Variants in PDE3B observed in about 807,000 individuals in gnomAD.
PDE3B encodes the protein phosphodiesterase 3B.
In PDE3B, 66 loss-of-function variants were observed where a neutral mutation model predicts 116.8. The observed-to-expected ratio is 0.56, with a 90% CI of 0.46 to 0.69. The LOEUF is 0.69. PDE3B is among the 30% of genes least tolerant of loss of function. The probability of loss-of-function intolerance (pLI) is 0.00; values close to 1 mark genes in which losing one functional copy is unlikely to be tolerated. For missense variants in PDE3B, 1,384 were observed against 1,368.1 expected (o/e 1.01, Z -0.18); for synonymous variants, 595 against 533.6 (o/e 1.12, Z -1.59).
chr11:14,866,261 T>C (rs1196127133), intron 14 of PDE3B, among the ~76,000 whole-genome samples: 1 of 152,236 alleles, frequency 6.6e-6, no homozygotes, highest in African/African-American at 2.4e-5. Context: ...CATTATTCAA[T>C]ATCAAAGCAG....
chr11:14,839,166 A>G (rs1385334675), intron 11 of PDE3B, among the ~76,000 whole-genome samples: 1 of 152,224 alleles, frequency 6.6e-6, no homozygotes, highest in African/African-American at 2.4e-5. Flanking sequence ...TCATAATGGT[A>G]GTTAGCAGAA....
chr11:14,832,170 A>T (rs1055867657), intron 9 of PDE3B, among the ~76,000 whole-genome samples: 1 of 152,146 alleles, frequency 6.6e-6, no homozygotes, highest in Non-Finnish European at 1.5e-5. Flanking sequence ...TGCTAGAACC[A>T]TGGGAAAGTA....
At chr11:14,686,964 C>T (rs907613832) in intron 1 of PDE3B, among the ~76,000 whole-genome samples, 5 of 152,166 alleles carry the variant, frequency 3.3e-5, no homozygotes, top group African/African-American at 7.2e-5. Context: ...CCACCTGCCT[C>T]GGCCTTCCAA....
intron 14 of PDE3B, among the ~76,000 whole-genome samples, chr11:14,864,111 T>G (rs999550597): frequency 6.6e-6 from 1 of 152,064 alleles, no homozygotes; most frequent in African/African-American, 2.4e-5. Context: ...GGAGAAAGAT[T>G]TACCCAGCAA....
Position 14,789,166 on chromosome 11 carries a change from T to G in PDE3B, c.1339T>G (p.Leu447Val). ...GAGGAGAAGCTCAGGAACTTCAGGA[T>G]TGCTACCTGTTGAACAGTCTTCAAG... Reference protein sequence around the residue: ...QLRRSSGTSGLLPVEQSSRWD... With the variant: ...QLRRSSGTSGVLPVEQSSRWD... Residue 447 changes from leucine (L) to valine (V), a missense_variant, in exon 4 of 16, where the codon TTG (leucine) becomes GTG (valine). Around this residue, in one of 2 missense-constraint regions of PDE3B, gnomAD observed 956 missense variants for 806.8 expected, o/e 1.18. Coordinates refer to ENST00000282096, the MANE Select transcript of PDE3B (RefSeq NM_000922.4). 6.2e-7 allele frequency: 1 copy of G among 1,610,880 alleles called. No individual in the cohort carries two copies. The highest frequency in any genetic ancestry group is 8.5e-7 in the Non-Finnish European group (1 of 1,177,548).
intron 12 of PDE3B, 26 bp from the exon 13 acceptor site, chr11:14,859,017 C>G: frequency 1.4e-4 from 203 of 1,472,364 alleles, no homozygotes; most frequent in Non-Finnish European, 1.8e-4. Flanking sequence ...GAGGTGTCTG[C>G]CTCATTTTTC....
intron 1 of PDE3B, chr11:14,674,162 G>C: frequency 1.5e-6 from 2 of 1,332,242 alleles, no homozygotes; most frequent in Non-Finnish European, 2.2e-6. Flanking sequence ...TTCCGAGGAG[G>C]CCAAGGAGTC....
chr11:14,783,580 A>G (rs1382999890), intron 2 of PDE3B, among the ~76,000 whole-genome samples: 3 of 151,446 alleles, frequency 2.0e-5, no homozygotes, highest in Non-Finnish European at 4.4e-5. Context: ...GGACACAGGA[A>G]GGGGAACATC....
At chr11:14,832,946 A>AT in intron 10 of PDE3B, 113 bp downstream of exon 10, 7 of 537,562 alleles carry the variant, frequency 1.3e-5, no homozygotes, top group South Asian at 7.5e-5. Context: ...CTTGTTTGAA[A>AT]TTTTCTTTTT....
downstream of PDE3B, chr11:14,872,176 T>C (rs1484598575): frequency 6.6e-6 from 1 of 152,158 alleles, no homozygotes; most frequent in East Asian, 1.9e-4. Flanking sequence ...ATTCTCTGTA[T>C]CTAGATTGCA....
intron 2 of PDE3B, among the ~76,000 whole-genome samples, chr11:14,783,957 A>G (rs940364275): frequency 6.6e-6 from 1 of 152,154 alleles, no homozygotes; most frequent in Non-Finnish European, 1.5e-5. Flanking sequence ...GAGCATTACC[A>G]CCTGAGCTCT....
chr11:14,881,534 C>T, the PDE3B span, among the ~76,000 whole-genome samples: 3 of 152,064 alleles, frequency 2.0e-5, 1 homozygote, highest in Non-Finnish European at 4.4e-5. Flanking sequence ...ATAAATTTCA[C>T]ATTGATAAGT....
intron 11 of PDE3B, among the ~76,000 whole-genome samples, chr11:14,843,189 T>A (rs1359627481): frequency 6.6e-6 from 1 of 152,212 alleles, no homozygotes; most frequent in Non-Finnish European, 1.5e-5. Flanking sequence ...GTGAACATAT[T>A]GTTTCTAAGA....
the PDE3B span, among the ~76,000 whole-genome samples, chr11:14,883,290 A>G: frequency 6.6e-6 from 1 of 152,042 alleles, no homozygotes; most frequent in Non-Finnish European, 1.5e-5. Flanking sequence ...ACTATACTAC[A>G]AGGCTACACT....
intron 12 of PDE3B, among the ~76,000 whole-genome samples, chr11:14,844,954 T>C (rs1020156711): frequency 2.4e-4 from 36 of 152,300 alleles, no homozygotes; most frequent in African/African-American, 8.7e-4. Flanking sequence ...CAGACTTAAA[T>C]GTCCCCGTCT....
downstream of PDE3B, among the ~76,000 whole-genome samples, chr11:14,875,884 A>G (rs1018215209): frequency 1.3e-5 from 2 of 152,212 alleles, no homozygotes; most frequent in Non-Finnish European, 2.9e-5. Flanking sequence ...TACATCTTTT[A>G]TAATTTGTCA....
intron 4 of PDE3B, among the ~76,000 whole-genome samples, chr11:14,790,843 TAGGTGGGTTACGATGGGA>T (rs1858360402): frequency 6.6e-6 from 1 of 152,102 alleles, no homozygotes; most frequent in African/African-American, 2.4e-5. Flanking sequence ...ACTTTGCACA[TAGGTGGGTTACGATGGGA>T]ATATATGAAA....
chr11:14,891,802 C>G, the PDE3B span: 1 of 1,410,784 alleles, frequency 7.1e-7, no homozygotes. Flanking sequence ...CAAGGGGGCA[C>G]GGCGTCGAGG....
chr11:14,805,594 C>A (rs1422388710), intron 5 of PDE3B, among the ~76,000 whole-genome samples: 1 of 152,082 alleles, frequency 6.6e-6, no homozygotes, highest in Non-Finnish European at 1.5e-5. Context: ...TGGAAAAAAT[C>A]TTTTAGTAAA....
Sources: gnomAD v4.1 joint callset for allele counts (sites outside exome capture counted in the v4.1 genomes callset) on GRCh38, gnomAD v4.1.1 for gene constraint, gnomAD v4.1.1 regional missense constraint, MANE v1.5 for transcripts, NCBI Gene and HGNC (gene_info 2026-07-23, HGNC 2026-07-21) for gene names.